DNAJC6: variants seen among roughly 807,000 people sequenced by gnomAD.
The protein encoded by DNAJC6 is auxilin.
A neutral mutation model predicts 110.0 loss-of-function variants in DNAJC6; 34 were observed. The observed-to-expected ratio is 0.31, with a 90% CI of 0.24 to 0.41. The LOEUF is 0.41. Among genes scored for constraint, DNAJC6 ranks in the 10% least tolerant of loss-of-function variants. The pLI, the probability that DNAJC6 is intolerant of heterozygous loss-of-function variation, is 1.00. For synonymous variants in DNAJC6, 406 were observed against 437.2 expected, an observed-to-expected ratio of 0.93 and a Z score of 0.89; for missense variants, 1,031 against 1,207.8, an observed-to-expected ratio of 0.85 and a Z score of 2.17.
chr1:65,404,788 A>T (rs886452774), intron 15 of DNAJC6, among the ~76,000 whole-genome samples: 1 of 152,200 alleles, frequency 6.6e-6, no homozygotes. Context: ...TGAACATGAC[A>T]TTTGGAGGTA....
At chr1:65,303,029 C>T (rs1645003974) in intron 1 of DNAJC6, among the ~76,000 whole-genome samples, 1 of 152,168 alleles carries the variant, frequency 6.6e-6, no homozygotes, top group African/African-American at 2.4e-5. Flanking sequence ...TGAACTAAGG[C>T]AAACGTTGTT....
chr1:65,373,600 TTCAAC>T (rs1444964395), intron 4 of DNAJC6, among the ~76,000 whole-genome samples: 3 of 151,148 alleles, frequency 2.0e-5, no homozygotes, highest in Admixed American at 6.6e-5. Context: ...GTTAATTCTC[TTCAAC>T]TCTTTTGCCC....
chr1:65,357,724 G>A (rs761025429), intron 1 of DNAJC6, among the ~76,000 whole-genome samples: 1 of 152,206 alleles, frequency 6.6e-6, no homozygotes, highest in Non-Finnish European at 1.5e-5. Flanking sequence ...GGCAGCATTT[G>A]CCTGCCTCTC....
intron 1 of DNAJC6, among the ~76,000 whole-genome samples, chr1:65,291,874 G>A (rs963474442): frequency 2.6e-5 from 4 of 152,112 alleles, no homozygotes; most frequent in African/African-American, 9.7e-5. Flanking sequence ...CTGTGTTTTT[G>A]CACACAGATC....
chr1:65,405,965 A>T lies in DNAJC6; in HGVS notation c.2323A>T (p.Met775Leu). 1 of 1,614,132 alleles carries T rather than the reference A, an allele frequency of 6.2e-7. No homozygotes were observed. The highest frequency in any genetic ancestry group is 1.3e-5 in the African/African-American group (1 of 75,046). ...GCCACAGAAGGCGTCTCCCCAGCCT[A>T]TGGGTGGCGGGTGGCAGCAGGGAGG... The part of the protein sequence containing the change: ...SSPQKASPQP[M>L]GGGWQQGGAY... Residue 775 changes from methionine to leucine, a missense_variant, in exon 16 of 19, where the codon ATG (methionine) becomes TTG (leucine). Met to Leu is a conservative substitution (Grantham distance 15, BLOSUM62 2). Coordinates refer to ENST00000371069, the MANE Select transcript of DNAJC6 (RefSeq NM_001256864.2).
chr1:65,359,525 C>G (rs1407409348), intron 1 of DNAJC6, among the ~76,000 whole-genome samples: 1 of 152,178 alleles, frequency 6.6e-6, no homozygotes, highest in Non-Finnish European at 1.5e-5. Context: ...TTGGATGGCA[C>G]TCACATGCTC....
Position 65,415,449 on chromosome 1 carries a change from A to AACACACACACACACACAC in DNAJC6, c.*2444_*2461dup, listed in dbSNP as rs68183979. On this transcript the variant is annotated 3_prime_UTR_variant, in exon 19 of 19. Coordinates refer to ENST00000371069, the MANE Select transcript of DNAJC6 (RefSeq NM_001256864.2). The stretch of plus-strand genomic sequence containing the variant: ...ATTTATACGTAATCACTCCTGCCCC[A>AACACACACACACACACAC]ACACACACACACACACACACACACA... 6.9e-6 allele frequency: 1 copy of AACACACACACACACACAC among 144,422 alleles called. No individual in the cohort carries two copies. Among genetic ancestry groups the AACACACACACACACACAC allele is most frequent in the African/African-American group, 2.6e-5 (1 of 38,928 alleles). The allele number at this position is 144,422 out of a possible 1,614,324, so 8.9% of individuals were successfully genotyped here.
chr1:65,302,381 C>T (rs1374441146), intron 1 of DNAJC6, among the ~76,000 whole-genome samples: 1 of 148,046 alleles, frequency 6.8e-6, no homozygotes, highest in Non-Finnish European at 1.5e-5. Context: ...GCCATTCTGA[C>T]AGTAATAGGT....
intron 1 of DNAJC6, among the ~76,000 whole-genome samples, chr1:65,286,020 C>A (rs1337502126): frequency 1.3e-5 from 2 of 152,164 alleles, no homozygotes; most frequent in African/African-American, 2.4e-5. Context: ...AGCACTCTGC[C>A]TACCACAAAA....
intron 1 of DNAJC6, among the ~76,000 whole-genome samples, chr1:65,358,010 C>G (rs1370550761): frequency 6.6e-6 from 1 of 151,942 alleles, no homozygotes; most frequent in Non-Finnish European, 1.5e-5. Context: ...GAAACCCCAT[C>G]TCTACTAAAA....
chr1:65,387,087 A>T (rs2101603377), intron 8 of DNAJC6, among the ~76,000 whole-genome samples, 158 bp downstream of exon 8: 1 of 152,304 alleles, frequency 6.6e-6, no homozygotes, highest in Non-Finnish European at 1.5e-5. Flanking sequence ...TTCATCTTAC[A>T]GGGGAGGAAC....
intron 1 of DNAJC6, among the ~76,000 whole-genome samples, chr1:65,347,789 C>T (rs752226815): frequency 6.6e-6 from 1 of 151,994 alleles, no homozygotes; most frequent in Non-Finnish European, 1.5e-5. Flanking sequence ...ATTTTCTTGA[C>T]CAGTCGTACT....
At chr1:65,338,283 C>T (rs946245883) in intron 1 of DNAJC6, among the ~76,000 whole-genome samples, 2 of 152,116 alleles carry the variant, frequency 1.3e-5, no homozygotes, top group African/African-American at 4.8e-5. Flanking sequence ...TGCTTTGTGC[C>T]ACAATACACA....
At chr1:65,315,259 T>C (rs1467973443) in intron 1 of DNAJC6, among the ~76,000 whole-genome samples, 1 of 151,686 alleles carries the variant, frequency 6.6e-6, no homozygotes, top group Non-Finnish European at 1.5e-5. Flanking sequence ...GATTTCCATA[T>C]AATTATCCTA....
intron 11 of DNAJC6, among the ~76,000 whole-genome samples, chr1:65,391,773 G>A (rs960594647): frequency 6.6e-6 from 1 of 152,120 alleles, no homozygotes; most frequent in Non-Finnish European, 1.5e-5. Flanking sequence ...AGTAGCCTGT[G>A]AGTTAGGTAC....
Position 65,353,560 on chromosome 1 carries a change from C to G in DNAJC6, c.194-11075C>G, listed in dbSNP as rs571022202. Among the ~76,000 whole-genome samples, 13 of 152,308 alleles carry G rather than the reference C, an allele frequency of 8.5e-5. No individual in the cohort carries two copies. The East Asian group carries it at 2.5e-3, about 29-fold the overall frequency. On this transcript the variant is annotated intron_variant, in intron 1 of 18. Transcript: ENST00000371069. Reference sequence around the variant, plus strand: ...ACTGGAATTCCCCTAGCACCAACAGCCTGGTTGTGAACACTGTGCCCTATC... The same window carrying G: ...ACTGGAATTCCCCTAGCACCAACAGGCTGGTTGTGAACACTGTGCCCTATC...
intron 4 of DNAJC6, among the ~76,000 whole-genome samples, chr1:65,368,067 A>G (rs1645666770): frequency 1.3e-5 from 2 of 152,232 alleles, no homozygotes; most frequent in Non-Finnish European, 2.9e-5. Context: ...GTTAAACACT[A>G]TAGATATAAA....
At chr1:65,273,099 G>A (rs1364663907) in intron 1 of DNAJC6, among the ~76,000 whole-genome samples, 1 of 152,104 alleles carries the variant, frequency 6.6e-6, no homozygotes, top group Non-Finnish European at 1.5e-5. Context: ...ATACATTTGA[G>A]TAGTCTCTGT....
chr1:65,411,556 T>C (rs1646128847), intron 18 of DNAJC6, 130 bp downstream of exon 18: 1 of 833,464 alleles, frequency 1.2e-6, no homozygotes, highest in African/African-American at 1.7e-5. Context: ...TGAGCTAAAA[T>C]CAGATATTTA....
Sources: gnomAD v4.1 joint callset for allele counts (sites outside exome capture counted in the v4.1 genomes callset) on GRCh38, gnomAD v4.1.1 for gene constraint, MANE v1.5 for transcripts, NCBI Gene and HGNC (gene_info 2026-07-23, HGNC 2026-07-21) for gene names.